Variants in FOXN3 observed in about 807,000 individuals in gnomAD.
FOXN3 encodes the protein forkhead box N3, also known as forkhead box protein N3.
FOXN3 carries 7 observed loss-of-function variants against 38.4 expected under a neutral mutation model. The observed-to-expected ratio is 0.18, with a 90% CI of 0.10 to 0.34. The LOEUF (loss-of-function observed/expected upper bound fraction) is 0.34. FOXN3 is among the 10% of genes least tolerant of loss of function. FOXN3 has a pLI of 1.00. For missense variants in FOXN3, 456 were observed against 613.4 expected (o/e 0.74, Z 2.71); for synonymous variants, 230 against 242.2 (o/e 0.95, Z 0.47).
chr14:89,460,119 G>A (rs1892811495), intron 1 of FOXN3, among the ~76,000 whole-genome samples: 1 of 152,158 alleles, frequency 6.6e-6, no homozygotes, highest in Non-Finnish European at 1.5e-5. Context: ...AAAGCAAGGA[G>A]CTTCTTTTTC....
intron 1 of FOXN3, among the ~76,000 whole-genome samples, chr14:89,583,851 C>T (rs1036279475): frequency 1.3e-5 from 2 of 151,444 alleles, no homozygotes; most frequent in African/African-American, 4.9e-5. Flanking sequence ...TCAGATACCG[C>T]ACCCAGCCTA....
chr14:89,335,369 C>T (rs987738475), intron 3 of FOXN3, among the ~76,000 whole-genome samples: 1 of 152,200 alleles, frequency 6.6e-6, no homozygotes, highest in Non-Finnish European at 1.5e-5. Flanking sequence ...ATTCCTACAC[C>T]TGCTTAGATT....
chr14:89,506,547 G>C (rs1256546789), intron 1 of FOXN3, among the ~76,000 whole-genome samples: 1 of 151,288 alleles, frequency 6.6e-6, no homozygotes, highest in East Asian at 2.0e-4. Context: ...TCCGGGAGGT[G>C]AGGGGCGCCT....
Position 89,538,675 on chromosome 14 carries a change from C to T in FOXN3, c.-15+80353G>A, listed in dbSNP as rs373867142. ...CTGGGATTACAGGCATGCGCCACCA[C>T]GCCTGGCTAATTTTGTATTTTTAGT... On this transcript the variant is annotated intron_variant, in intron 1 of 6. Coordinates refer to the FOXN3 transcript ENST00000345097. Among the ~76,000 whole-genome samples, 1,173 of 151,866 alleles carry T rather than the reference C, an allele frequency of 7.7e-3. 13 individuals are homozygous for T. The highest frequency in any genetic ancestry group is 0.046 in the South Asian group (220 of 4,784).
rs1046696787 is a variant in FOXN3, at chr14:89,540,578, CA to C, written c.-15+78449del. Among the ~76,000 whole-genome samples, 30 of 149,054 alleles carry C rather than the reference CA, an allele frequency of 2.0e-4. No individual in the cohort carries two copies. In the South Asian group the frequency reaches 3.8e-3, roughly 19 times the overall value. ...TGAAACGTCGTCTCTACTAAAAATA[CA>C]AAAAAAAAATTTAGCCGAGCGTGGT... On this transcript the variant is annotated intron_variant, in intron 1 of 6. Transcript: ENST00000345097.
intron 3 of FOXN3, among the ~76,000 whole-genome samples, chr14:89,314,566 T>C (rs4904540): frequency 0.76 from 115,768 of 152,136 alleles, 44,206 homozygotes; most frequent in Middle Eastern, 0.83. Flanking sequence ...AGAAAATTCC[T>C]CTTCCAGATT....
chr14:89,238,441 A>C (rs1885043680), intron 4 of FOXN3, among the ~76,000 whole-genome samples: 1 of 152,246 alleles, frequency 6.6e-6, no homozygotes, highest in Admixed American at 6.5e-5. Context: ...AGGAGGACTT[A>C]AATGTAAAAT....
chr14:89,412,208 A>T lies in FOXN3; in HGVS notation c.269T>A (p.Leu90Gln). Residue 90 changes from leucine to glutamine, a missense_variant, in exon 2 of 6, where the codon CTG becomes CAG. By Grantham distance (113) the Leu-to-Gln change is moderately radical. Around this residue, in one of 3 missense-constraint regions of FOXN3, gnomAD observed 386 missense variants for 505.2 expected, o/e 0.76. Coordinates refer to ENST00000557258, the MANE Select transcript of FOXN3 (RefSeq NM_005197.4). This position sits in a 1 kb window ranked among gnomAD's most constrained non-coding sequence, Gnocchi z 4.7. ...AGGGGATGGGGGGGTGTCATCGTCCAGGTCCTGGACGGGGCTGACACTCCT... is the reference window on the plus strand; with the variant it reads ...AGGGGATGGGGGGGTGTCATCGTCCTGGTCCTGGACGGGGCTGACACTCCT... ...VLRSVSPVQDLDDDTPPSPAH... is the reference protein window; with the variant it reads ...VLRSVSPVQDQDDDTPPSPAH... The T allele has an allele frequency of 6.2e-7, 1 of 1,614,048 alleles. No homozygotes were observed. The highest frequency in any genetic ancestry group is 1.1e-5 in the South Asian group (1 of 91,070).
At chr14:89,421,871 T>A (rs1254291821), upstream of FOXN3, among the ~76,000 whole-genome samples, 1 of 151,640 alleles carries the variant, frequency 6.6e-6, no homozygotes, top group African/African-American at 2.4e-5. Flanking sequence ...CCATTACATA[T>A]ATACATACAT....
At chr14:89,341,704 C>T (rs554522777) in intron 3 of FOXN3, among the ~76,000 whole-genome samples, 1 of 152,268 alleles carries the variant, frequency 6.6e-6, no homozygotes, top group African/African-American at 2.4e-5. Context: ...TAAGCTTCTA[C>T]AAGACAAAGT....
chr14:89,452,205 C>A (rs1235234134), intron 1 of FOXN3, among the ~76,000 whole-genome samples: 1 of 152,088 alleles, frequency 6.6e-6, no homozygotes, highest in Non-Finnish European at 1.5e-5. Flanking sequence ...TCCTACGGGG[C>A]AGAAGGACCA....
chr14:89,248,431 C>A (rs1459710193), intron 4 of FOXN3, among the ~76,000 whole-genome samples: 1 of 152,184 alleles, frequency 6.6e-6, no homozygotes, highest in South Asian at 2.1e-4. Context: ...TATTAATACT[C>A]TCCCCATCCC....
At chr14:89,609,542 G>C (rs1896349063) in intron 1 of FOXN3, among the ~76,000 whole-genome samples, 1 of 152,160 alleles carries the variant, frequency 6.6e-6, no homozygotes, top group Non-Finnish European at 1.5e-5. Context: ...AGGGACTCAT[G>C]ATTTAGCCCT....
chr14:89,282,661 T>G (rs1044926125), intron 3 of FOXN3, among the ~76,000 whole-genome samples: 4 of 152,200 alleles, frequency 2.6e-5, no homozygotes, highest in African/African-American at 9.7e-5. Context: ...TAAAGATATT[T>G]TAAAACTGAG....
chr14:89,160,237 A>C lies in FOXN3; in HGVS notation c.*2177T>G. 1 of 113,904 alleles carries C rather than the reference A, an allele frequency of 8.8e-6. No homozygotes were observed. 7.1% of individuals were successfully genotyped at this position (113,904 alleles called of 1,614,324 possible). On this transcript the variant is annotated 3_prime_UTR_variant, in exon 6 of 6. Coordinates refer to ENST00000557258, the MANE Select transcript of FOXN3 (RefSeq NM_005197.4). The stretch of plus-strand genomic sequence containing the variant: ...CCCCCGCCCCCCGCCCCCGCCATTA[A>C]AGAAAATTTCTTAGGCAAAGGTAAC...
At chr14:89,413,505 G>A (rs1432401548) in intron 1 of FOXN3, among the ~76,000 whole-genome samples, 1 of 151,958 alleles carries the variant, frequency 6.6e-6, no homozygotes, top group Non-Finnish European at 1.5e-5. Context: ...ATGGTGGCAT[G>A]TGCCTGTAGT....
At chr14:89,180,155 C>T (rs1327541702) in intron 5 of FOXN3, among the ~76,000 whole-genome samples, 1 of 152,176 alleles carries the variant, frequency 6.6e-6, no homozygotes. Context: ...AGAAATGTCC[C>T]AAGGAAGGGT....
intron 3 of FOXN3, among the ~76,000 whole-genome samples, chr14:89,282,881 G>A (rs1195305903): frequency 6.6e-6 from 1 of 152,158 alleles, no homozygotes; most frequent in East Asian, 1.9e-4. Flanking sequence ...TTCTCTGTAT[G>A]ATAAAGATTC....
intron 1 of FOXN3, among the ~76,000 whole-genome samples, chr14:89,489,047 G>T (rs1286185765): frequency 6.6e-6 from 1 of 152,184 alleles, no homozygotes; most frequent in African/African-American, 2.4e-5. Flanking sequence ...AGGTGAACAA[G>T]GGGGTACTGA....
Sources: allele counts gnomAD v4.1 joint callset (sites outside exome capture counted in the v4.1 genomes callset), GRCh38; gene constraint gnomAD v4.1.1; regional missense constraint gnomAD v4.1.1; non-coding constraint Gnocchi (gnomAD v3.1); transcripts MANE v1.5; gene names NCBI Gene and HGNC (gene_info 2026-07-23, HGNC 2026-07-21).